Variants in ST6GALNAC5 observed in about 807,000 individuals in gnomAD.
The protein encoded by ST6GALNAC5 is ST6 N-acetylgalactosaminide alpha-2,6-sialyltransferase 5.
In ST6GALNAC5, 27 loss-of-function variants were observed where a neutral mutation model predicts 33.6. The observed-to-expected ratio is 0.80, with a 90% CI of 0.59 to 1.11. The LOEUF (loss-of-function observed/expected upper bound fraction) is 1.11. Among genes scored for constraint, ST6GALNAC5 ranks in the 50% least tolerant of loss-of-function variants. ST6GALNAC5 has a pLI of 0.00. For synonymous variants in ST6GALNAC5, 194 were observed against 171.2 expected, an observed-to-expected ratio of 1.13 and a Z score of -1.04; for missense variants, 428 against 454.0, an observed-to-expected ratio of 0.94 and a Z score of 0.52.
At chr1:76,931,238 G>A (rs1397900802) in intron 2 of ST6GALNAC5, among the ~76,000 whole-genome samples, 1 of 152,072 alleles carries the variant, frequency 6.6e-6, no homozygotes, top group Non-Finnish European at 1.5e-5. Flanking sequence ...AAGCTTATAA[G>A]TGAATCCTTC....
At chr1:77,033,880 T>C (rs895455259) in intron 2 of ST6GALNAC5, among the ~76,000 whole-genome samples, 9 of 152,084 alleles carry the variant, frequency 5.9e-5, no homozygotes, top group Admixed American at 4.6e-4. Context: ...TCAGTTTTAC[T>C]CTATAAGCAG....
At position 76,975,536 on chromosome 1, in the gene ST6GALNAC5, A is replaced by C. The variant is rs1648975290; in HGVS notation, c.262-68668A>C. On this transcript the variant is annotated intron_variant, in intron 2 of 4. Coordinates refer to ENST00000477717, the MANE Select transcript of ST6GALNAC5 (RefSeq NM_030965.3). Reference sequence around the variant, plus strand: ...TAACAGATAAATTGGAGTTACTTTAATAGGTGGATATATGTAAGTGGGATT... The same window carrying C: ...TAACAGATAAATTGGAGTTACTTTACTAGGTGGATATATGTAAGTGGGATT... Among the ~76,000 whole-genome samples the C allele has an allele frequency of 7.9e-5, 12 of 152,304 alleles. No individual in the cohort carries two copies. The South Asian group carries it at 2.5e-3, about 32-fold the overall frequency.
intron 4 of ST6GALNAC5, among the ~76,000 whole-genome samples, chr1:77,050,752 T>C (rs1652191778): frequency 6.6e-6 from 1 of 152,238 alleles, no homozygotes; most frequent in South Asian, 2.1e-4. Flanking sequence ...CAGTGAGGGC[T>C]TTTTTCTAAA....
chr1:77,000,019 C>A (rs1393323266), intron 2 of ST6GALNAC5, among the ~76,000 whole-genome samples: 1 of 90,102 alleles, frequency 1.1e-5, no homozygotes, highest in Non-Finnish European at 2.6e-5. Flanking sequence ...AATGGGATGG[C>A]TGGGTCAAAT....
At chr1:77,005,419 C>G (rs983384541) in intron 2 of ST6GALNAC5, among the ~76,000 whole-genome samples, 38 of 152,334 alleles carry the variant, frequency 2.5e-4, no homozygotes, top group African/African-American at 7.9e-4. Context: ...AACCCGGTAC[C>G]TCAGATGGAA....
At chr1:77,050,442 C>G in intron 4 of ST6GALNAC5, 77 bp downstream of exon 4, 1 of 1,358,912 alleles carries the variant, frequency 7.4e-7, no homozygotes, top group Non-Finnish European at 1.0e-6. Context: ...GAATATCAAC[C>G]ATGAAACATG....
At chr1:77,023,461 C>T (rs776084593) in intron 2 of ST6GALNAC5, among the ~76,000 whole-genome samples, 2 of 152,182 alleles carry the variant, frequency 1.3e-5, no homozygotes, top group Non-Finnish European at 2.9e-5. Flanking sequence ...ACCATTGAAG[C>T]TCTTCCAGCA....
chr1:76,957,999 T>C (rs1648073578), intron 2 of ST6GALNAC5, among the ~76,000 whole-genome samples: 1 of 152,190 alleles, frequency 6.6e-6, no homozygotes, highest in African/African-American at 2.4e-5. Flanking sequence ...ACTTTGAGAA[T>C]GTACCATATT....
chr1:76,963,153 A>T (rs1648313849), intron 2 of ST6GALNAC5, among the ~76,000 whole-genome samples: 2 of 152,174 alleles, frequency 1.3e-5, no homozygotes, highest in South Asian at 4.1e-4. Flanking sequence ...TGAGACCCTG[A>T]TAGTAAAGAG....
chr1:76,936,953 G>GGCGTGTGTGTGTGTGT (rs138095164), intron 2 of ST6GALNAC5, among the ~76,000 whole-genome samples: 6,025 of 139,934 alleles, frequency 0.043, 393 homozygotes, highest in Middle Eastern at 0.054. Flanking sequence ...AGAGAAGCAG[G>GGCGTGTGTGTGTGTGT]GTGTGTGTGT....
intron 2 of ST6GALNAC5, among the ~76,000 whole-genome samples, chr1:76,888,622 T>A (rs1055871656): frequency 3.3e-5 from 5 of 152,024 alleles, no homozygotes; most frequent in East Asian, 1.9e-4. Flanking sequence ...GGCTTTTTTT[T>A]AAAACTCTCC....
In ST6GALNAC5 at chr1:76,966,202, AT is replaced by A. The variant is rs112538819; in HGVS notation, c.262-77998del. Among the ~76,000 whole-genome samples, 1,179 of 152,204 alleles carry A rather than the reference AT, an allele frequency of 7.7e-3. 16 individuals carry two copies. Among genetic ancestry groups the A allele is most frequent in the African/African-American group, 0.023 (967 of 41,542 alleles). On this transcript the variant is annotated intron_variant, in intron 2 of 4. Coordinates refer to ENST00000477717, the MANE Select transcript of ST6GALNAC5 (RefSeq NM_030965.3). ...ATAAATTACCTTGGGCAATATGGCC[AT>A]TTTCACCATATTGATTCTTCCTATT...
intron 2 of ST6GALNAC5, among the ~76,000 whole-genome samples, chr1:76,894,334 T>C (rs1570646093): frequency 6.6e-6 from 1 of 152,174 alleles, no homozygotes; most frequent in Non-Finnish European, 1.5e-5. Context: ...GTGTACGGCA[T>C]GTACACCGCA....
chr1:76,967,123 G>T (rs765839833), intron 2 of ST6GALNAC5, among the ~76,000 whole-genome samples: 2 of 152,168 alleles, frequency 1.3e-5, no homozygotes, highest in Non-Finnish European at 2.9e-5. Context: ...AAATGAGCTA[G>T]GGAGGATTCC....
chr1:76,969,461 A>T (rs748277001), intron 2 of ST6GALNAC5, among the ~76,000 whole-genome samples: 29 of 152,188 alleles, frequency 1.9e-4, no homozygotes, highest in Non-Finnish European at 3.2e-4. Context: ...GCAAGGCAGT[A>T]GCCTGTCAGG....
intron 2 of ST6GALNAC5, among the ~76,000 whole-genome samples, chr1:76,904,006 C>T (rs1646841426): frequency 6.6e-6 from 1 of 152,088 alleles, no homozygotes; most frequent in African/African-American, 2.4e-5. Flanking sequence ...AAATTAAAAC[C>T]ATCCAATTCC....
At chr1:77,028,412 T>C (rs1651329893) in intron 2 of ST6GALNAC5, among the ~76,000 whole-genome samples, 1 of 151,840 alleles carries the variant, frequency 6.6e-6, no homozygotes. Context: ...GTACTCTTAT[T>C]AGAAATCAAG....
chr1:76,899,257 T>G (rs1267719799), intron 2 of ST6GALNAC5, among the ~76,000 whole-genome samples: 1 of 150,942 alleles, frequency 6.6e-6, no homozygotes, highest in Non-Finnish European at 1.5e-5. Flanking sequence ...GAATGGAAGG[T>G]GAAAGCTTGC....
intron 2 of ST6GALNAC5, among the ~76,000 whole-genome samples, chr1:76,912,824 G>T (rs938810337): frequency 1.3e-5 from 2 of 152,154 alleles, no homozygotes; most frequent in African/African-American, 4.8e-5. Flanking sequence ...CTGCACATGA[G>T]ATGGGTTTCC....
Sources: gnomAD v4.1 joint callset for allele counts (sites outside exome capture counted in the v4.1 genomes callset) on GRCh38, gnomAD v4.1.1 for gene constraint, MANE v1.5 for transcripts, NCBI Gene and HGNC (gene_info 2026-07-23, HGNC 2026-07-21) for gene names.